The following LRMDA variants were observed in gnomAD, a reference collection of about 807,000 sequenced individuals.
LRMDA encodes leucine rich melanocyte differentiation associated, also known as leucine-rich melanocyte differentiation-associated protein.
In LRMDA, 18 loss-of-function variants were observed where a neutral mutation model predicts 29.8. The ratio of observed to expected loss-of-function variants is 0.60; its 90% CI spans 0.42 to 0.90. The LOEUF (loss-of-function observed/expected upper bound fraction) is 0.90, where lower values mean the gene tolerates loss of function less well. LRMDA is among the 40% of genes least tolerant of loss of function. LRMDA has a pLI of 0.00. For missense variants in LRMDA, 273 were observed against 273.9 expected (o/e 1.00, Z 0.02); for synonymous variants, 125 against 109.4 (o/e 1.14, Z -0.89).
intron 5 of LRMDA, among the ~76,000 whole-genome samples, chr10:76,118,904 G>A (rs1297569361): frequency 1.4e-5 from 2 of 140,028 alleles, no homozygotes; most frequent in South Asian, 2.3e-4. Context: ...AACTTGAGGC[G>A]AATGAAGGTC....
chr10:75,845,566 C>T (rs1375646144), intron 2 of LRMDA, among the ~76,000 whole-genome samples: 1 of 152,216 alleles, frequency 6.6e-6, no homozygotes. Flanking sequence ...AGGCCATATT[C>T]TTGCGTCTCT....
chr10:76,333,329 G>A (rs1217216788), intron 6 of LRMDA, among the ~76,000 whole-genome samples: 2 of 152,202 alleles, frequency 1.3e-5, no homozygotes, highest in South Asian at 2.1e-4. Flanking sequence ...TAATTGGAAA[G>A]GAGAGAGCCT....
chr10:75,606,496 C>G (rs1255225892), intron 2 of LRMDA, among the ~76,000 whole-genome samples: 2 of 152,184 alleles, frequency 1.3e-5, no homozygotes, highest in African/African-American at 4.8e-5. Context: ...AGAGTCCATT[C>G]CGGGCTACAT....
chr10:75,614,121 A>G (rs938244008), intron 2 of LRMDA, among the ~76,000 whole-genome samples: 2 of 152,044 alleles, frequency 1.3e-5, no homozygotes, highest in African/African-American at 2.4e-5. Flanking sequence ...TGTTCACCCT[A>G]TCACCCCTTT....
At chr10:75,770,637 G>T (rs1365232543) in intron 2 of LRMDA, among the ~76,000 whole-genome samples, 5 of 152,154 alleles carry the variant, frequency 3.3e-5, no homozygotes, top group Admixed American at 3.3e-4. Context: ...TTGTGTAATT[G>T]GAAAATAAAA....
chr10:75,905,750 G>A (rs1165204453), intron 2 of LRMDA, among the ~76,000 whole-genome samples: 1 of 151,976 alleles, frequency 6.6e-6, no homozygotes, highest in Non-Finnish European at 1.5e-5. Flanking sequence ...CCTGGCTGAT[G>A]TATGTCCCTA....
At chr10:76,334,543 G>A (rs993596717) in intron 6 of LRMDA, among the ~76,000 whole-genome samples, 1 of 152,114 alleles carries the variant, frequency 6.6e-6, no homozygotes, top group African/African-American at 2.4e-5. Flanking sequence ...TGCTCAGCTC[G>A]GCCTGCCGTC....
At chr10:76,470,980 T>C (rs1842611602) in intron 6 of LRMDA, among the ~76,000 whole-genome samples, 1 of 151,916 alleles carries the variant, frequency 6.6e-6, no homozygotes, top group Admixed American at 6.6e-5. Context: ...AGCAATTATA[T>C]AAAATAATAT....
intron 5 of LRMDA, among the ~76,000 whole-genome samples, chr10:76,230,774 C>T (rs1176183300): frequency 6.6e-6 from 1 of 152,202 alleles, no homozygotes; most frequent in Non-Finnish European, 1.5e-5. Flanking sequence ...AGAGATCCAT[C>T]TCCCATACAT....
At chr10:76,316,687 T>C (rs1383301250) in intron 5 of LRMDA, among the ~76,000 whole-genome samples, 1 of 152,216 alleles carries the variant, frequency 6.6e-6, no homozygotes, top group Non-Finnish European at 1.5e-5. Context: ...ATGCCAGAAA[T>C]GTGATGTACA....
At chr10:76,183,500 T>C (rs1865640) in intron 5 of LRMDA, among the ~76,000 whole-genome samples, 91,998 of 151,972 alleles carry the variant, frequency 0.61, 29,374 homozygotes, top group East Asian at 0.98. Context: ...TATTTGCACC[T>C]GAATGGTACA....
At chr10:75,723,490 T>G (rs1050470736) in intron 2 of LRMDA, among the ~76,000 whole-genome samples, 2 of 152,202 alleles carry the variant, frequency 1.3e-5, no homozygotes, top group Non-Finnish European at 2.9e-5. Context: ...ATTCAGCAAC[T>G]GTCATGCAGC....
Position 76,148,224 on chromosome 10 carries a change from A to G in LRMDA, c.516+89441A>G, listed in dbSNP as rs1850367414. Among the ~76,000 whole-genome samples the G allele has an allele frequency of 3.9e-5, 6 of 152,264 alleles. No homozygotes were observed. In the South Asian group the frequency reaches 1.2e-3, roughly 32 times the overall value. ...CTCTCTTCAAAGCTGTCAGAGAGGG[A>G]CATTTAAGTCTGCAGAGGTTACTGC... On this transcript the variant is annotated intron_variant, in intron 5 of 6. Transcript: ENST00000611255.
intron 6 of LRMDA, among the ~76,000 whole-genome samples, chr10:76,520,635 G>A (rs1265086446): frequency 2.0e-5 from 3 of 152,142 alleles, no homozygotes; most frequent in Middle Eastern, 3.4e-3. Context: ...ACATTCTCAC[G>A]TAACCAAAGT....
intron 6 of LRMDA, among the ~76,000 whole-genome samples, chr10:76,360,025 G>A (rs1011243375): frequency 1.2e-4 from 18 of 151,822 alleles, no homozygotes; most frequent in South Asian, 4.2e-4. Flanking sequence ...ACGCAGTTTC[G>A]CTCTTGTTGC....
At chr10:76,460,881 A>G (rs1256513910) in intron 6 of LRMDA, among the ~76,000 whole-genome samples, 4 of 152,234 alleles carry the variant, frequency 2.6e-5, no homozygotes, top group Non-Finnish European at 4.4e-5. Context: ...TTTTAAAGAA[A>G]GCAACTGCAA....
chr10:76,432,944 G>A (rs1842207228), intron 6 of LRMDA, among the ~76,000 whole-genome samples: 1 of 152,174 alleles, frequency 6.6e-6, no homozygotes, highest in Non-Finnish European at 1.5e-5. Flanking sequence ...CACCCTAATG[G>A]CAGCTGTGAT....
intron 2 of LRMDA, among the ~76,000 whole-genome samples, chr10:75,911,060 C>T (rs952343565): frequency 6.6e-6 from 1 of 151,950 alleles, no homozygotes; most frequent in African/African-American, 2.4e-5. Context: ...GTGCTGGCCA[C>T]TGCAACTCAT....
rs1431544567 is a variant in LRMDA at position 76,059,360 on chromosome 10, A to C, written c.516+577A>C. 2.0e-5 allele frequency among the ~76,000 whole-genome samples: 3 copies of C among 152,150 alleles called. No individual in the cohort carries two copies. In the East Asian group the frequency reaches 5.8e-4, roughly 29 times the overall value. ...TTACTGACCTTTCCTTTACCAGCTG[A>C]GTCTGTAAGTGAATTTGGTGTCATG... On this transcript the variant is annotated intron_variant, in intron 5 of 6. Transcript: ENST00000611255.
Sources: allele counts gnomAD v4.1 joint callset (sites outside exome capture counted in the v4.1 genomes callset), GRCh38; gene constraint gnomAD v4.1.1; transcripts MANE v1.5; gene names NCBI Gene and HGNC (gene_info 2026-07-23, HGNC 2026-07-21).